Variants in WDR33 observed in about 807,000 individuals in gnomAD.
WDR33 encodes the protein pre-mRNA 3' end processing protein WDR33.
WDR33 carries 47 observed loss-of-function variants against 164.9 expected under a neutral mutation model. That is an observed-to-expected ratio of 0.29 (90% CI 0.23 to 0.36). The LOEUF is 0.36. Ranked by LOEUF, WDR33 falls within the 10% of genes least tolerant of loss-of-function variation. WDR33 has a pLI of 1.00. For missense variants in WDR33, 1,137 were observed against 1,754.1 expected, an observed-to-expected ratio of 0.65 and a Z score of 6.28; for synonymous variants, 505 against 589.0, an observed-to-expected ratio of 0.86 and a Z score of 2.06.
Position 127,770,272 on chromosome 2 carries a change from T to C in WDR33, c.204+506A>G, listed in dbSNP as rs760123411. Reference sequence around the variant, plus strand: ...TAGAAGATGATACAGGCACAGAATTTTATAAAGTATTAGTGGTTTGAGGTT... The same window carrying C: ...TAGAAGATGATACAGGCACAGAATTCTATAAAGTATTAGTGGTTTGAGGTT... On this transcript the variant is annotated intron_variant, in intron 2 of 21. Coordinates refer to ENST00000322313, the MANE Select transcript of WDR33 (RefSeq NM_018383.5). This position sits in a 1 kb window ranked among gnomAD's most constrained non-coding sequence, Gnocchi z 4.9. 7.2e-5 allele frequency among the ~76,000 whole-genome samples: 11 copies of C among 152,216 alleles called. No homozygotes were observed. Among genetic ancestry groups the C allele is most frequent in the Non-Finnish European group, 1.5e-4 (10 of 68,038 alleles).
At position 127,713,665 on chromosome 2, in the gene WDR33, C is replaced by T; in HGVS notation, c.3226G>A (p.Ala1076Thr). ...TCTCCGGGCCTGCGGCCTTCCCATGCCCCCGGAGGGCCTCGGGCTGCACCC... is the reference window on the plus strand; with the variant it reads ...TCTCCGGGCCTGCGGCCTTCCCATGTCCCCGGAGGGCCTCGGGCTGCACCC... ...GRGAARGPPG[A>T]WEGRRPGDER... Residue 1076 changes from alanine to threonine, a missense_variant, in exon 18 of 22, where the codon GCA (alanine) becomes ACA (threonine). Ala to Thr is a moderately conservative substitution (Grantham distance 58). Around this residue, in one of 9 missense-constraint regions of WDR33, gnomAD observed 867 missense variants for 1,073.0 expected, o/e 0.81. Transcript: ENST00000322313. The surrounding 1 kb of genome is among the most constrained non-coding windows in gnomAD (Gnocchi z 6.2). 2.5e-6 allele frequency: 4 copies of T among 1,614,232 alleles called. No individual in the cohort carries two copies. Among genetic ancestry groups the T allele is most frequent in the Non-Finnish European group, 3.4e-6 (4 of 1,180,032 alleles).
intron 1 of WDR33, among the ~76,000 whole-genome samples, chr2:127,774,936 C>G (rs1688140465): frequency 6.6e-6 from 1 of 152,190 alleles, no homozygotes; most frequent in Admixed American, 6.5e-5. Context: ...TGCTAATATA[C>G]AGCGACAAAA....
chr2:127,789,482 T>G (rs1416409916), intron 1 of WDR33, among the ~76,000 whole-genome samples: 1 of 141,258 alleles, frequency 7.1e-6, no homozygotes, highest in East Asian at 2.1e-4. Flanking sequence ...GCGGGATCAC[T>G]CGCGGTTAGG....
At chr2:127,754,360 A>G (rs1032479421) in intron 7 of WDR33, among the ~76,000 whole-genome samples, 8 of 152,172 alleles carry the variant, frequency 5.3e-5, no homozygotes, top group Non-Finnish European at 8.8e-5. Context: ...GTGGCAAGCT[A>G]AATGTGGCAA....
intron 7 of WDR33, among the ~76,000 whole-genome samples, chr2:127,749,024 A>G (rs1354562190): frequency 1.3e-5 from 2 of 152,202 alleles, no homozygotes; most frequent in Non-Finnish European, 2.9e-5. Context: ...TATAAGTATT[A>G]ATCATATCTA....
intron 1 of WDR33, among the ~76,000 whole-genome samples, chr2:127,797,955 AG>A (rs773917739): frequency 1.3e-5 from 2 of 152,146 alleles, no homozygotes; most frequent in Non-Finnish European, 2.9e-5. Context: ...TCGAGGTTCC[AG>A]TAAGCCAAGA....
In WDR33 at chr2:127,738,081, C is replaced by G. The variant is rs769793135; in HGVS notation, c.725-11304G>C. The G allele has an allele frequency of 1.2e-6, 2 of 1,604,788 alleles. No homozygotes were observed. The highest frequency in any genetic ancestry group is 3.4e-5 in the Admixed American group (2 of 58,474). Reference sequence around the variant, plus strand: ...TATCAAAACAAGAAGGGTGCATGAACTCTTAAATACTGTGCAGGCAGGTAT... The same window carrying G: ...TATCAAAACAAGAAGGGTGCATGAAGTCTTAAATACTGTGCAGGCAGGTAT... On this transcript the variant is annotated intron_variant, in intron 7 of 21. Transcript: ENST00000322313. This position sits in a 1 kb window ranked among gnomAD's most constrained non-coding sequence, Gnocchi z 4.4.
At chr2:127,748,918 A>T (rs2105411795) in intron 7 of WDR33, among the ~76,000 whole-genome samples, 1 of 151,782 alleles carries the variant, frequency 6.6e-6, no homozygotes. Flanking sequence ...TGCTCACCTT[A>T]ACTACTGGAA....
chr2:127,773,730 T>C (rs1452233483), intron 1 of WDR33, among the ~76,000 whole-genome samples: 3 of 152,316 alleles, frequency 2.0e-5, no homozygotes, highest in Middle Eastern at 6.8e-3. Flanking sequence ...AATTCAGATG[T>C]CTGGGCCAGT....
At position 127,705,078 on chromosome 2, in the gene WDR33, G is replaced by A. The variant is rs1481631317; in HGVS notation, c.*1245C>T. Reference sequence around the variant, plus strand: ...GACAGAGCAAGACTCTGTCAAAAAAGGAAAAGAAAAAAAGAAACTTCCAGC... The same window carrying A: ...GACAGAGCAAGACTCTGTCAAAAAAAGAAAAGAAAAAAAGAAACTTCCAGC... On this transcript the variant is annotated 3_prime_UTR_variant, in exon 22 of 22. Coordinates refer to ENST00000322313, the MANE Select transcript of WDR33 (RefSeq NM_018383.5). The surrounding 1 kb of genome is among the most constrained non-coding windows in gnomAD (Gnocchi z 4.5). 6.0e-6 allele frequency: 1 copy of A among 166,236 alleles called. No individual in the cohort carries two copies. The highest frequency in any genetic ancestry group is 1.5e-5 in the Non-Finnish European group (1 of 68,014). 10.3% of individuals were successfully genotyped at this position (166,236 alleles called of 1,614,324 possible). A position where few individuals can be genotyped will look rare whatever the true frequency, so the allele number is the denominator to read the frequency against.
chr2:127,715,545 C>G (rs1370819380), intron 17 of WDR33, among the ~76,000 whole-genome samples: 1 of 152,240 alleles, frequency 6.6e-6, no homozygotes, highest in Admixed American at 6.5e-5. Flanking sequence ...CCTCTCCTCT[C>G]TACTCAGCAG....
In WDR33 at chr2:127,724,990, G is replaced by C. The variant is rs1219658481; in HGVS notation, c.1007-25C>G. 6.2e-7 allele frequency: 1 copy of C among 1,614,154 alleles called. No individual in the cohort carries two copies. Among genetic ancestry groups the C allele is most frequent in the Non-Finnish European group, 8.5e-7 (1 of 1,180,012 alleles). ...GCTGCAGAACAAAAACATGGGAAAA[G>C]ACACAATTATCAGGATCTGAGAATG... On this transcript the variant is annotated intron_variant, in intron 9 of 21. Coordinates refer to ENST00000322313, the MANE Select transcript of WDR33 (RefSeq NM_018383.5). This position sits in a 1 kb window ranked among gnomAD's most constrained non-coding sequence, Gnocchi z 4.8.
intron 7 of WDR33, among the ~76,000 whole-genome samples, chr2:127,743,010 T>C (rs1687064502): frequency 1.3e-5 from 2 of 152,152 alleles, no homozygotes; most frequent in African/African-American, 4.8e-5. Flanking sequence ...ATGAAGGACG[T>C]AAAAATTCAG....
In WDR33 at chr2:127,763,787, G is replaced by T. The variant is rs998793190; in HGVS notation, c.627-628C>A. On this transcript the variant is annotated intron_variant, in intron 6 of 21. Transcript: ENST00000322313. This position sits in a 1 kb window ranked among gnomAD's most constrained non-coding sequence, Gnocchi z 4.5. ...TGTAAAGCCAAAGAATCTGCTGCAA[G>T]AAGGAGTCAGTTTTTCCCAGCAGTG... 4.1e-6 allele frequency: 4 copies of T among 985,540 alleles called. No individual in the cohort carries two copies. In the African/African-American group the frequency reaches 7.0e-5, roughly 17 times the overall value. The allele number at this position is 985,540 out of a possible 1,614,324, so 61.0% of individuals were successfully genotyped here.
chr2:127,756,416 C>T (rs189654761), intron 7 of WDR33, among the ~76,000 whole-genome samples: 1 of 151,262 alleles, frequency 6.6e-6, no homozygotes, highest in Admixed American at 6.6e-5. Context: ...TTCTGATACT[C>T]CCCTCGTTGA....
chr2:127,733,527 A>C (rs1686762527), intron 7 of WDR33, among the ~76,000 whole-genome samples: 1 of 152,176 alleles, frequency 6.6e-6, no homozygotes, highest in Non-Finnish European at 1.5e-5. Flanking sequence ...ATACTTAAGA[A>C]TTTAACCTGC....
In WDR33 at chr2:127,764,147, T is replaced by G. The variant is rs1687756732; in HGVS notation, c.626+681A>C. On this transcript the variant is annotated intron_variant, in intron 6 of 21. Coordinates refer to ENST00000322313, the MANE Select transcript of WDR33 (RefSeq NM_018383.5). The surrounding 1 kb of genome is among the most constrained non-coding windows in gnomAD (Gnocchi z 6.2). ...TTTTACTATACATACCTCACTGATG[T>G]GTAAAAATATACAACTCACTGAAAA... is the stretch of plus-strand genomic sequence containing the variant. 2 of 1,005,976 alleles carry G rather than the reference T, an allele frequency of 2.0e-6. No homozygotes were observed. Among genetic ancestry groups the G allele is most frequent in the South Asian group, 8.8e-5 (2 of 22,634 alleles). 62.3% of individuals were successfully genotyped at this position (1,005,976 alleles called of 1,614,324 possible). A position where few individuals can be genotyped will look rare whatever the true frequency, so the allele number is the denominator to read the frequency against.
chr2:127,731,698 T>G (rs1234785457), intron 7 of WDR33, among the ~76,000 whole-genome samples: 1 of 151,898 alleles, frequency 6.6e-6, no homozygotes, highest in Admixed American at 6.6e-5. Context: ...TTTTTGGGGG[T>G]TTTGGAAATG....
intron 7 of WDR33, among the ~76,000 whole-genome samples, chr2:127,733,054 C>T (rs917631920): frequency 6.6e-6 from 1 of 152,032 alleles, no homozygotes; most frequent in African/African-American, 2.4e-5. Flanking sequence ...ACCCAGGTAA[C>T]GAGAGTTTTT....
Sources: allele counts gnomAD v4.1 joint callset (sites outside exome capture counted in the v4.1 genomes callset), GRCh38; gene constraint gnomAD v4.1.1; regional missense constraint gnomAD v4.1.1; non-coding constraint Gnocchi (gnomAD v3.1); transcripts MANE v1.5; gene names NCBI Gene and HGNC (gene_info 2026-07-23, HGNC 2026-07-21).